The following COL4A5 variants were observed in gnomAD, a reference collection of about 807,000 sequenced individuals.
COL4A5 encodes the protein collagen type IV alpha 5 chain.
In COL4A5, 26 loss-of-function variants were observed where a neutral mutation model predicts 130.2. That is an observed-to-expected ratio of 0.20 (90% CI 0.15 to 0.28). COL4A5 has a LOEUF of 0.28. Ranked by LOEUF, COL4A5 falls within the 10% of genes least tolerant of loss-of-function variation. The pLI, the probability that COL4A5 is intolerant of heterozygous loss-of-function variation, is 1.00. For missense variants in COL4A5, 1,131 were observed against 1,344.3 expected, an observed-to-expected ratio of 0.84 and a Z score of 2.48; for synonymous variants, 496 against 439.6, an observed-to-expected ratio of 1.13 and a Z score of -1.60.
intron 32 of COL4A5, among the ~76,000 whole-genome samples, 195 bp from the exon 33 acceptor site, chrX:108,622,481 T>C (rs925401551): frequency 8.9e-6 from 1 of 112,131 alleles, no homozygotes; most frequent in African/African-American, 3.2e-5. Context: ...GTCAAGGAAT[T>C]CCAGATGGAG....
At chrX:108,645,146 A>G (rs949329103) in intron 36 of COL4A5, among the ~76,000 whole-genome samples, 3 of 110,688 alleles carry the variant, frequency 2.7e-5, no homozygotes, top group African/African-American at 9.8e-5. Flanking sequence ...TGACATTCCA[A>G]GGTCACACCT....
chrX:108,696,336 G>C lies in COL4A5; in HGVS notation c.5034G>C (p.Arg1678Ser). 1 of 1,210,382 alleles carries C rather than the reference G, an allele frequency of 8.3e-7. No homozygotes were observed. Among genetic ancestry groups the C allele is most frequent in the Non-Finnish European group, 1.1e-6 (1 of 894,410 alleles). The change falls in exon 53 of 53, where the codon AGG (arginine) becomes AGC (serine). Residue 1678 changes from arginine to serine, a missense_variant. Arg to Ser is a moderately radical substitution (Grantham distance 110). Transcript: ENST00000328300. ...AAACGCTGAAAGCAGGAGACTTGAGGACACGAATTAGCCGATGTCAAGTGT... is the reference window on the plus strand; with the variant it reads ...AAACGCTGAAAGCAGGAGACTTGAGCACACGAATTAGCCGATGTCAAGTGT... ...QSETLKAGDL[R>S]TRISRCQVCM...
chrX:108,481,997 G>T (rs936892777), intron 1 of COL4A5, among the ~76,000 whole-genome samples: 6 of 111,025 alleles, frequency 5.4e-5, no homozygotes, highest in Admixed American at 4.8e-4. Context: ...TGCTCACAGT[G>T]GGCCATCTTT....
intron 40 of COL4A5, 43 bp downstream of exon 40, chrX:108,667,226 G>T (rs1208162784): frequency 3.7e-6 from 4 of 1,089,315 alleles, no homozygotes; most frequent in Non-Finnish European, 5.1e-6. Flanking sequence ...ATAATAAAAT[G>T]AGATTATTTC....
At chrX:108,446,934 T>G (rs1398622027) in intron 1 of COL4A5, among the ~76,000 whole-genome samples, 1 of 111,555 alleles carries the variant, frequency 9.0e-6, no homozygotes, top group South Asian at 3.8e-4. Flanking sequence ...AATTTTAATT[T>G]TGTGCACAAT....
intron 1 of COL4A5, among the ~76,000 whole-genome samples, chrX:108,469,669 C>T (rs1359355706): frequency 1.8e-5 from 2 of 111,415 alleles, no homozygotes; most frequent in Non-Finnish European, 3.8e-5. Flanking sequence ...ATAATTTGCA[C>T]ATATATTCAG....
chrX:108,601,129 T>A (rs993959701), intron 25 of COL4A5, among the ~76,000 whole-genome samples: 6 of 111,343 alleles, frequency 5.4e-5, no homozygotes, highest in Non-Finnish European at 1.1e-4. Flanking sequence ...CTTAATCTAG[T>A]CATGTTGAAA....
At chrX:108,617,590 A>G (rs1399657000) in intron 30 of COL4A5, among the ~76,000 whole-genome samples, 2 of 112,170 alleles carry the variant, frequency 1.8e-5, no homozygotes, top group Non-Finnish European at 3.8e-5. Flanking sequence ...AAAAATTGCC[A>G]AAGGACTAGA....
intron 1 of COL4A5, among the ~76,000 whole-genome samples, chrX:108,515,526 C>A (rs2065212523): frequency 9.0e-6 from 1 of 111,371 alleles, no homozygotes. Flanking sequence ...CTCTTTCTCA[C>A]CCATGCTTCC....
intron 36 of COL4A5, among the ~76,000 whole-genome samples, chrX:108,649,129 A>T (rs1251211432): frequency 9.0e-6 from 1 of 110,854 alleles, no homozygotes; most frequent in African/African-American, 3.3e-5. Context: ...CAAGAACTCA[A>T]CCCCTTTTAC....
chrX:108,456,828 A>C (rs1444158456), intron 1 of COL4A5, among the ~76,000 whole-genome samples: 1 of 112,190 alleles, frequency 8.9e-6, no homozygotes. Flanking sequence ...CCGAGCTGCT[A>C]GGTGTCAGAC....
At chrX:108,612,355 A>G (rs892668192) in intron 29 of COL4A5, among the ~76,000 whole-genome samples, 1 of 111,301 alleles carries the variant, frequency 9.0e-6, no homozygotes, top group African/African-American at 3.2e-5. Flanking sequence ...AGGAAGAAAT[A>G]AAACTCCCTA....
At chrX:108,689,090 T>C (rs1033051004) in intron 49 of COL4A5, among the ~76,000 whole-genome samples, 2 of 111,690 alleles carry the variant, frequency 1.8e-5, no homozygotes, top group Non-Finnish European at 3.8e-5. Flanking sequence ...TTCCTTTTTC[T>C]CCTTTTCAAC....
intron 31 of COL4A5, 53 bp from the exon 32 acceptor site, chrX:108,621,750 T>A: frequency 1.0e-6 from 1 of 978,230 alleles, no homozygotes. Context: ...ACTTACTTTT[T>A]ATGTTCCCTA....
At chrX:108,674,366 A>G (rs188140130) in intron 42 of COL4A5, 1 of 134,341 alleles carries the variant, frequency 7.4e-6, no homozygotes, top group African/African-American at 3.2e-5. Flanking sequence ...CCCTTTACTA[A>G]AGGAATTTGA....
chrX:108,580,566 C>T lies in COL4A5; in HGVS notation c.814C>T (p.Pro272Ser). ...TGGTGACCGAGGGCCTCCTGGACCT[C>T]CAGGGATACGTGGTCCTCCAGTAAG... ...LPGDRGPPGP[P>S]GIRGPPGPPG... The change falls in exon 14 of 53, where the codon CCA (proline) becomes TCA (serine). Residue 272 changes from proline to serine, a missense_variant. Pro to Ser is a moderately conservative substitution (Grantham distance 74). Transcript: ENST00000328300. 1 of 1,210,169 alleles carries T rather than the reference C, an allele frequency of 8.3e-7. No individual in the cohort carries two copies. The highest frequency in any genetic ancestry group is 1.1e-6 in the Non-Finnish European group (1 of 894,349).
intron 23 of COL4A5, 81 bp from the exon 24 acceptor site, chrX:108,597,296 T>C (rs1173563871): frequency 5.7e-6 from 6 of 1,044,226 alleles, no homozygotes; most frequent in Non-Finnish European, 8.0e-6. Flanking sequence ...GAGAAGAAAA[T>C]GTTAGAAAAA....
At chrX:108,522,438 A>G (rs753701989) in intron 1 of COL4A5, among the ~76,000 whole-genome samples, 2 of 102,628 alleles carry the variant, frequency 1.9e-5, no homozygotes, top group Admixed American at 2.2e-4. Context: ...CACATCCTCA[A>G]TAATACCTGT....
At chrX:108,679,147 G>A (rs2068372302) in intron 44 of COL4A5, among the ~76,000 whole-genome samples, 1 of 112,121 alleles carries the variant, frequency 8.9e-6, no homozygotes, top group African/African-American at 3.2e-5. Context: ...TAATCATCCA[G>A]TCAAGTTGTT....
Sources: gnomAD v4.1 joint callset for allele counts (sites outside exome capture counted in the v4.1 genomes callset) on GRCh38, gnomAD v4.1.1 for gene constraint, MANE v1.5 for transcripts, NCBI Gene and HGNC (gene_info 2026-07-23, HGNC 2026-07-21) for gene names.